The following PLCB4 variants were observed in gnomAD, a reference collection of about 807,000 sequenced individuals.
PLCB4 encodes the protein 1-phosphatidylinositol 4,5-bisphosphate phosphodiesterase beta-4.
In PLCB4, 77 loss-of-function variants were observed where a neutral mutation model predicts 178.8. The ratio of observed to expected loss-of-function variants is 0.43; its 90% confidence interval spans 0.36 to 0.52. The LOEUF is 0.52. Among genes scored for constraint, PLCB4 ranks in the 20% least tolerant of loss-of-function variants. The probability of loss-of-function intolerance (pLI) is 0.00; values close to 1 mark genes in which losing one functional copy is unlikely to be tolerated. For synonymous variants in PLCB4, 496 were observed against 490.8 expected (o/e 1.01, Z -0.14); for missense variants, 1,024 against 1,453.4 (o/e 0.70, Z 4.80).
intron 20 of PLCB4, among the ~76,000 whole-genome samples, chr20:9,403,366 A>G (rs6118594): frequency 0.32 from 48,617 of 152,024 alleles, 8,052 homozygotes; most frequent in East Asian, 0.41. Flanking sequence ...AGGTATGGCT[A>G]GAGAAGTAGG....
chr20:9,069,960 G>C (rs1012970635), intron 1 of PLCB4, among the ~76,000 whole-genome samples: 4 of 152,080 alleles, frequency 2.6e-5, no homozygotes, highest in Admixed American at 2.6e-4. Context: ...AACTTCTGTA[G>C]TGATTCTAGC....
At chr20:9,398,724 G>T (rs1036959399) in intron 19 of PLCB4, among the ~76,000 whole-genome samples, 4 of 138,046 alleles carry the variant, frequency 2.9e-5, no homozygotes, top group African/African-American at 7.0e-5. Context: ...TTTTGAGATG[G>T]AGTCTTGCTC....
At chr20:9,356,793 A>G (rs1265626678) in intron 7 of PLCB4, among the ~76,000 whole-genome samples, 1 of 152,204 alleles carries the variant, frequency 6.6e-6, no homozygotes, top group Non-Finnish European at 1.5e-5. Context: ...TACTTGAAAA[A>G]TGCCAACTTT....
intron 1 of PLCB4, among the ~76,000 whole-genome samples, chr20:9,093,142 T>C (rs1388661281): frequency 6.6e-6 from 1 of 152,218 alleles, no homozygotes; most frequent in African/African-American, 2.4e-5. Context: ...CCATTGCAAA[T>C]TTAATAAAAC....
chr20:9,122,835 T>C (rs1219718405), intron 2 of PLCB4, among the ~76,000 whole-genome samples: 2 of 152,152 alleles, frequency 1.3e-5, no homozygotes, highest in African/African-American at 2.4e-5. Context: ...AAGGGACCAT[T>C]GGGCTTGCAG....
chr20:9,453,471 G>T lies in PLCB4; in HGVS notation c.2996+9G>T. 1 of 1,425,312 alleles carries T rather than the reference G, an allele frequency of 7.0e-7. No individual in the cohort carries two copies. Among genetic ancestry groups the T allele is most frequent in the Non-Finnish European group, 9.9e-7 (1 of 1,014,828 alleles). The allele number at this position is 1,425,312 out of a possible 1,614,324, so 88.3% of individuals were successfully genotyped here. ...GCAATGAAGAAGAAGGGGTAATACT[G>T]TTTATTTCCTTCTGAAGACTTTCTC... On this transcript the variant is annotated intron_variant, in intron 33 of 39. Coordinates refer to ENST00000378473, the MANE Select transcript of PLCB4 (RefSeq NM_001377142.1).
rs377357771 is a variant in PLCB4 at position 9,457,445 on chromosome 20, A to G, written c.3028A>G (p.Thr1010Ala). 1,183 of 1,569,702 alleles carry G rather than the reference A, an allele frequency of 7.5e-4. 19 individuals carry two copies. The South Asian group carries it at 0.012, about 17-fold the overall frequency. The change falls in exon 34 of 40, where the codon ACA becomes GCA. Residue 1010 changes from threonine (T) to alanine (A), a missense_variant. Physicochemically the swap from Thr to Ala is moderately conservative, Grantham distance 58. Coordinates refer to ENST00000378473, the MANE Select transcript of PLCB4 (RefSeq NM_001377142.1). ...GSNCLEMKKE[T>A]EIKIQTLTSD... ...TAATTGTCTCGAAATGAAAAAAGAA[A>G]CAGAAATCAAAATTCAGACGCTGAC...
intron 2 of PLCB4, among the ~76,000 whole-genome samples, chr20:9,155,585 C>G: frequency 6.6e-6 from 1 of 152,020 alleles, no homozygotes; most frequent in East Asian, 1.9e-4. Flanking sequence ...ACAAACTCAC[C>G]CAGTTAAAAT....
intron 28 of PLCB4, among the ~76,000 whole-genome samples, chr20:9,431,743 C>G (rs1159816933): frequency 6.6e-6 from 1 of 151,770 alleles, no homozygotes; most frequent in African/African-American, 2.4e-5. Context: ...TTCTTGACCT[C>G]AAATGATCCA....
intron 7 of PLCB4, among the ~76,000 whole-genome samples, chr20:9,356,863 C>G (rs7266219): frequency 0.059 from 9,015 of 152,208 alleles, 853 homozygotes; most frequent in African/African-American, 0.2. Flanking sequence ...TGCCTGTAAT[C>G]CCAGCACTTT....
chr20:9,078,902 A>G (rs1241865732), intron 1 of PLCB4, among the ~76,000 whole-genome samples: 2 of 152,200 alleles, frequency 1.3e-5, no homozygotes, highest in Non-Finnish European at 2.9e-5. Context: ...CTGTTTCCCA[A>G]AGATGGATTT....
At chr20:9,082,649 T>C (rs1339207151) in intron 1 of PLCB4, among the ~76,000 whole-genome samples, 4 of 152,206 alleles carry the variant, frequency 2.6e-5, no homozygotes, top group Non-Finnish European at 5.9e-5. Flanking sequence ...AAACACTTCA[T>C]GATAGCACTT....
intron 19 of PLCB4, among the ~76,000 whole-genome samples, chr20:9,396,291 G>A (rs1304685098): frequency 6.6e-6 from 1 of 152,168 alleles, no homozygotes; most frequent in Admixed American, 6.5e-5. Context: ...GATGAGAGTA[G>A]AGAGGCAAAT....
chr20:9,191,665 G>T (rs1275663028), intron 2 of PLCB4, among the ~76,000 whole-genome samples: 1 of 151,906 alleles, frequency 6.6e-6, no homozygotes, highest in African/African-American at 2.4e-5. Flanking sequence ...GCAAATCAAT[G>T]GTCTGTGGTC....
intron 3 of PLCB4, among the ~76,000 whole-genome samples, chr20:9,306,249 GTGCC>G (rs2094764329): frequency 6.6e-6 from 1 of 152,092 alleles, no homozygotes; most frequent in Non-Finnish European, 1.5e-5. Context: ...GGGATTACAG[GTGCC>G]TGCCATCACA....
At chr20:9,271,311 C>T (rs1048241019) in intron 3 of PLCB4, among the ~76,000 whole-genome samples, 2 of 152,088 alleles carry the variant, frequency 1.3e-5, no homozygotes, top group Non-Finnish European at 2.9e-5. Context: ...TTATTCTACC[C>T]CAGACATTCT....
Position 9,262,238 on chromosome 20 carries a change from C to T in PLCB4, c.-16+44786C>T, listed in dbSNP as rs369564428. Among the ~76,000 whole-genome samples, 244 of 152,136 alleles carry T rather than the reference C, an allele frequency of 1.6e-3. 2 individuals carry two copies. Among genetic ancestry groups the T allele is most frequent in the Middle Eastern group, 0.01 (3 of 294 alleles). On this transcript the variant is annotated intron_variant, in intron 3 of 39. Coordinates refer to ENST00000378473, the MANE Select transcript of PLCB4 (RefSeq NM_001377142.1). ...AAAAGTGGAAGATCAGAGACATTCACAAGGACTATAATAAGAAAGAGTATG... is the reference window on the plus strand; with the variant it reads ...AAAAGTGGAAGATCAGAGACATTCATAAGGACTATAATAAGAAAGAGTATG...
intron 1 of PLCB4, among the ~76,000 whole-genome samples, chr20:9,093,710 C>T (rs1401144748): frequency 6.6e-6 from 1 of 150,910 alleles, no homozygotes; most frequent in African/African-American, 2.4e-5. Flanking sequence ...CATGGTCTTT[C>T]CCCAAACCAT....
chr20:9,296,704 T>C (rs149651590), intron 3 of PLCB4, among the ~76,000 whole-genome samples: 38,487 of 152,106 alleles, frequency 0.25, 5,127 homozygotes, highest in East Asian at 0.37. Context: ...TCATGTCCTT[T>C]GTAGGGACAT....
Sources: allele counts gnomAD v4.1 joint callset (sites outside exome capture counted in the v4.1 genomes callset), GRCh38; gene constraint gnomAD v4.1.1; transcripts MANE v1.5; gene names NCBI Gene and HGNC (gene_info 2026-07-23, HGNC 2026-07-21).